Variants in CDK17 observed in about 807,000 individuals in gnomAD.
CDK17 encodes the protein cyclin-dependent kinase 17.
CDK17 carries 24 observed loss-of-function variants against 77.6 expected under a neutral mutation model. That is an observed-to-expected ratio of 0.31 (90% CI 0.22 to 0.44). CDK17 has a LOEUF of 0.44. CDK17 is among the 20% of genes least tolerant of loss of function. The probability of loss-of-function intolerance (pLI) is 1.00; values close to 1 mark genes in which losing one functional copy is unlikely to be tolerated. For synonymous variants in CDK17, 203 were observed against 210.4 expected (o/e 0.96, Z 0.30); for missense variants, 429 against 622.5 (o/e 0.69, Z 3.31).
chr12:96,400,336 C>T lies in CDK17; in HGVS notation c.-380G>A. On this transcript the variant is annotated 5_prime_UTR_variant, in exon 1 of 17. Coordinates refer to ENST00000261211, the MANE Select transcript of CDK17 (RefSeq NM_002595.5). ...AGACTGTCTGGCCGGGCGCTGGCTCCTTCTCCGCGGCTCTGCGGCGGCCCG... is the reference window on the plus strand; with the variant it reads ...AGACTGTCTGGCCGGGCGCTGGCTCTTTCTCCGCGGCTCTGCGGCGGCCCG... 2.6e-6 allele frequency: 1 copy of T among 388,024 alleles called. No homozygotes were observed. The allele number at this position is 388,024 out of a possible 1,614,324, so 24.0% of individuals were successfully genotyped here.
At chr12:96,322,009 A>C (rs1952824732) in intron 3 of CDK17, among the ~76,000 whole-genome samples, 1 of 152,358 alleles carries the variant, frequency 6.6e-6, no homozygotes, top group African/African-American at 2.4e-5. Context: ...TTGCACAAGG[A>C]ATTGGACGAC....
chr12:96,386,524 G>C (rs569515535), intron 1 of CDK17, among the ~76,000 whole-genome samples: 2 of 152,006 alleles, frequency 1.3e-5, no homozygotes, highest in Non-Finnish European at 2.9e-5. Flanking sequence ...CAAGCATGGC[G>C]GCGGCACCTG....
At chr12:96,367,344 CAAAAAAAAAAA>C (rs56689330) in intron 1 of CDK17, among the ~76,000 whole-genome samples, 21 of 63,508 alleles carry the variant, frequency 3.3e-4, no homozygotes, top group African/African-American at 5.2e-4. Context: ...GACTCCACCT[CAAAAAAAAAAA>C]AAAAAAAAAA....
chr12:96,312,154 C>T (rs1565814733), intron 4 of CDK17, among the ~76,000 whole-genome samples: 1 of 152,212 alleles, frequency 6.6e-6, no homozygotes, highest in South Asian at 2.1e-4. Flanking sequence ...TGGTGTGTGC[C>T]TGTAGTCCCA....
At chr12:96,366,471 C>A (rs540802290) in intron 1 of CDK17, among the ~76,000 whole-genome samples, 1 of 152,254 alleles carries the variant, frequency 6.6e-6, no homozygotes, top group East Asian at 1.9e-4. Context: ...TAGTGTATCA[C>A]AGTATCTAGG....
chr12:96,379,435 T>TA (rs1411244731), intron 1 of CDK17, among the ~76,000 whole-genome samples: 1 of 152,132 alleles, frequency 6.6e-6, no homozygotes, highest in Non-Finnish European at 1.5e-5. Flanking sequence ...AATCTAATTT[T>TA]TTTTTTTGAG....
At chr12:96,337,728 G>A (rs187910051) in intron 1 of CDK17, among the ~76,000 whole-genome samples, 1 of 152,058 alleles carries the variant, frequency 6.6e-6, no homozygotes, top group South Asian at 2.1e-4. Flanking sequence ...TATTTAAGTT[G>A]TACTGAGCTA....
intron 1 of CDK17, among the ~76,000 whole-genome samples, chr12:96,337,482 T>A (rs546739852): frequency 6.6e-6 from 1 of 152,276 alleles, no homozygotes; most frequent in East Asian, 1.9e-4. Flanking sequence ...TTCAGCAGTT[T>A]TAGTCTGTTA....
intron 3 of CDK17, among the ~76,000 whole-genome samples, chr12:96,316,708 A>G (rs1418814251): frequency 8.0e-6 from 1 of 125,782 alleles, no homozygotes; most frequent in Non-Finnish European, 1.7e-5. Context: ...CTGACACCTC[A>G]CACGGCAGGG....
intron 1 of CDK17, among the ~76,000 whole-genome samples, chr12:96,385,677 T>C (rs549953000): frequency 6.6e-6 from 1 of 152,108 alleles, no homozygotes; most frequent in African/African-American, 2.4e-5. Context: ...ATACAAAACA[T>C]ATTGGAGAAA....
At chr12:96,295,303 G>A (rs1952388195) in intron 9 of CDK17, 181 bp from the exon 10 acceptor site, 1 of 413,214 alleles carries the variant, frequency 2.4e-6, no homozygotes, top group African/African-American at 2.0e-5. Context: ...GAATTTAATA[G>A]TTTATTATTC....
intron 1 of CDK17, among the ~76,000 whole-genome samples, chr12:96,361,379 G>C (rs1174773402): frequency 6.6e-6 from 1 of 152,110 alleles, no homozygotes; most frequent in Non-Finnish European, 1.5e-5. Context: ...ATCTCCATTG[G>C]TACCATCTAT....
intron 1 of CDK17, among the ~76,000 whole-genome samples, chr12:96,338,769 AG>A (rs1809895681): frequency 8.4e-6 from 1 of 118,640 alleles, no homozygotes; most frequent in African/African-American, 3.2e-5. Context: ...GAAGCCACTA[AG>A]GTTTTTTTTT....
intron 5 of CDK17, among the ~76,000 whole-genome samples, chr12:96,300,794 C>A (rs1305348816): frequency 6.6e-6 from 1 of 152,164 alleles, no homozygotes; most frequent in Non-Finnish European, 1.5e-5. Flanking sequence ...TGATTATAAT[C>A]AAATGGTTGA....
intron 14 of CDK17, among the ~76,000 whole-genome samples, chr12:96,283,321 CAT>C (rs1470418811): frequency 6.6e-6 from 1 of 152,056 alleles, no homozygotes; most frequent in African/African-American, 2.4e-5. Flanking sequence ...GAAAAGAGAA[CAT>C]AAGAGAGCAT....
At chr12:96,310,771 C>A (rs1170780606) in intron 5 of CDK17, among the ~76,000 whole-genome samples, 1 of 149,046 alleles carries the variant, frequency 6.7e-6, no homozygotes, top group Non-Finnish European at 1.5e-5. Context: ...TCTAGTGTAT[C>A]TATATATCTA....
At chr12:96,314,447 T>A (rs1003282506) in intron 3 of CDK17, among the ~76,000 whole-genome samples, 2 of 152,212 alleles carry the variant, frequency 1.3e-5, no homozygotes, top group East Asian at 1.9e-4. Context: ...CATTTATGCC[T>A]AGTGTTCCAT....
At chr12:96,322,590 C>T (rs190297503) in intron 3 of CDK17, among the ~76,000 whole-genome samples, 1 of 151,708 alleles carries the variant, frequency 6.6e-6, no homozygotes, top group African/African-American at 2.4e-5. Flanking sequence ...CCATGGACAA[C>T]TTCAGGCTAC....
intron 5 of CDK17, 30 bp downstream of exon 5, chr12:96,311,022 T>C (rs775098887): frequency 2.2e-5 from 34 of 1,573,976 alleles, no homozygotes; most frequent in Non-Finnish European, 2.9e-5. Flanking sequence ...ATCTGATTGA[T>C]GGTGGAGGTA....
Sources: gnomAD v4.1 joint callset for allele counts (sites outside exome capture counted in the v4.1 genomes callset) on GRCh38, gnomAD v4.1.1 for gene constraint, MANE v1.5 for transcripts, NCBI Gene and HGNC (gene_info 2026-07-23, HGNC 2026-07-21) for gene names.